Variants in IQSEC3 observed in about 807,000 individuals in gnomAD.
IQSEC3 encodes IQ motif and Sec7 domain ArfGEF 3.
A neutral mutation model predicts 105.4 loss-of-function variants in IQSEC3; 50 were observed. The observed-to-expected ratio is 0.47, with a 90% CI of 0.38 to 0.60. IQSEC3 has a LOEUF of 0.60. Ranked by LOEUF, IQSEC3 falls within the 20% of genes least tolerant of loss-of-function variation. The probability of loss-of-function intolerance (pLI) is 0.00; values close to 1 mark genes in which losing one functional copy is unlikely to be tolerated. For synonymous variants in IQSEC3, 708 were observed against 746.0 expected, an observed-to-expected ratio of 0.95 and a Z score of 0.83; for missense variants, 1,415 against 1,630.0, an observed-to-expected ratio of 0.87 and a Z score of 2.27.
chr12:123,738 T>C (rs1219799400), intron 2 of IQSEC3, among the ~76,000 whole-genome samples: 3 of 152,088 alleles, frequency 2.0e-5, no homozygotes, highest in African/African-American at 7.2e-5. Context: ...AAGAGGTCCC[T>C]CCTCTGGTGT....
intron 1 of IQSEC3, among the ~76,000 whole-genome samples, chr12:95,071 T>C (rs1864203368): frequency 6.6e-6 from 1 of 152,158 alleles, no homozygotes; most frequent in Admixed American, 6.5e-5. Context: ...TCCCCTTTTC[T>C]TCAGGCCAGG....
chr12:104,179 T>C (rs1460409874), intron 2 of IQSEC3, among the ~76,000 whole-genome samples: 7 of 152,172 alleles, frequency 4.6e-5, no homozygotes, highest in African/African-American at 7.2e-5. Flanking sequence ...TATTCCCATT[T>C]ACAGATAAGG....
At chr12:151,260 C>T (rs1481698885) in intron 5 of IQSEC3, among the ~76,000 whole-genome samples, 3 of 146,488 alleles carry the variant, frequency 2.0e-5, no homozygotes, top group East Asian at 2.0e-4. Context: ...ATGGAGACTC[C>T]GTCTCTCCTC....
At chr12:83,824 T>C (rs16931821) in intron 1 of IQSEC3, among the ~76,000 whole-genome samples, 83,837 of 151,998 alleles carry the variant, frequency 0.55, 23,984 homozygotes, top group Middle Eastern at 0.61. Context: ...CGTGCACCCT[T>C]GTTTGGTGTC....
intron 2 of IQSEC3, among the ~76,000 whole-genome samples, chr12:115,541 C>T (rs955623138): frequency 1.5e-4 from 23 of 152,128 alleles, no homozygotes; most frequent in Admixed American, 1.4e-3. Flanking sequence ...GCTCATGAAC[C>T]GGAAGCTGGG....
intron 6 of IQSEC3, 48 bp downstream of exon 6, chr12:157,195 A>C: frequency 6.8e-7 from 1 of 1,480,140 alleles, no homozygotes; most frequent in Non-Finnish European, 9.0e-7. Context: ...CAGCGTGGGG[A>C]AGCCGGGCCG....
Position 66,832 on chromosome 12 carries a change from C to T in IQSEC3, c.-51C>T. 7.5e-7 allele frequency: 1 copy of T among 1,334,060 alleles called. No individual in the cohort carries two copies. The highest frequency in any genetic ancestry group is 9.5e-7 in the Non-Finnish European group (1 of 1,048,718). 82.6% of individuals were successfully genotyped at this position (1,334,060 alleles called of 1,614,324 possible). A position where few individuals can be genotyped will look rare whatever the true frequency, so the allele number is the denominator to read the frequency against. On this transcript the variant is annotated 5_prime_UTR_variant, in exon 1 of 14. Coordinates refer to ENST00000538872, the MANE Select transcript of IQSEC3 (RefSeq NM_001170738.2). ...GCTGCTGGGCTCCCGCGCCCTCGCG[C>T]TCCCCGCCGCCAGCCCAGGCGCAGG...
At chr12:171,257 A>G in intron 13 of IQSEC3, 96 bp downstream of exon 13, 1 of 1,613,902 alleles carries the variant, frequency 6.2e-7, no homozygotes, top group Non-Finnish European at 8.5e-7. Flanking sequence ...GTATTAATCA[A>G]TGCCTCCCCA....
chr12:141,105 T>TGC lies in IQSEC3; in HGVS notation c.1992-19_1992-18insGC. 7 of 1,577,982 alleles carry TGC rather than the reference T, an allele frequency of 4.4e-6. No homozygotes were observed. The highest frequency in any genetic ancestry group is 5.2e-6 in the Non-Finnish European group (6 of 1,151,350). On this transcript the variant is annotated intron_variant, in intron 4 of 13. Coordinates refer to ENST00000538872, the MANE Select transcript of IQSEC3 (RefSeq NM_001170738.2). ...GCTTCAGCTCACTCTCTACTGCTTCTCCCCACCCCCACCTCCAGAAACCCC... is the reference window on the plus strand; with the variant it reads ...GCTTCAGCTCACTCTCTACTGCTTCTGCCCCCACCCCCACCTCCAGAAACCCC...
chr12:158,578 T>C (rs1591740109), intron 7 of IQSEC3, among the ~76,000 whole-genome samples: 2 of 152,246 alleles, frequency 1.3e-5, no homozygotes. Flanking sequence ...TTCTGCCTTT[T>C]ATCACCATTT....
intron 5 of IQSEC3, among the ~76,000 whole-genome samples, chr12:150,603 C>A (rs1225374034): frequency 6.6e-6 from 1 of 152,202 alleles, no homozygotes; most frequent in African/African-American, 2.4e-5. Flanking sequence ...GAGCAATTAA[C>A]CATGTCGATG....
At position 174,893 on chromosome 12, in the gene IQSEC3, C is replaced by T. The variant is rs1394605792; in HGVS notation, c.3409C>T (p.Pro1137Ser). The T allele has an allele frequency of 6.4e-7, 1 of 1,562,770 alleles. No individual in the cohort carries two copies. The highest frequency in any genetic ancestry group is 2.4e-5 in the East Asian group (1 of 42,546). Reference protein sequence around the residue: ...DSCGSTPLGGPGSPVKVTHQP... With the variant: ...DSCGSTPLGGSGSPVKVTHQP... ...CTGCGGCTCCACACCCCTGGGCGGTCCCGGCTCTCCGGTCAAGGTCACCCA... is the reference window on the plus strand; with the variant it reads ...CTGCGGCTCCACACCCCTGGGCGGTTCCGGCTCTCCGGTCAAGGTCACCCA... The change falls in exon 14 of 14, where the codon CCC becomes TCC. Residue 1137 changes from proline to serine, a missense_variant. By Grantham distance (74) the Pro-to-Ser change is moderately conservative (BLOSUM62 -1). Transcript: ENST00000538872.
At chr12:99,764 G>A (rs1363787390) in intron 2 of IQSEC3, among the ~76,000 whole-genome samples, 1 of 152,190 alleles carries the variant, frequency 6.6e-6, no homozygotes, top group Non-Finnish European at 1.5e-5. Context: ...ACAGTCCTGA[G>A]CTTTCTCCTC....
In IQSEC3 at chr12:176,557, G is replaced by A. The variant is rs191336346; in HGVS notation, c.*1524G>A. 20 of 152,222 alleles carry A rather than the reference G, an allele frequency of 1.3e-4. No individual in the cohort carries two copies. Among genetic ancestry groups the A allele is most frequent in the East Asian group, 3.8e-4 (2 of 5,198 alleles). The allele number at this position is 152,222 out of a possible 1,614,324, so 9.4% of individuals were successfully genotyped here. A position where few individuals can be genotyped will look rare whatever the true frequency, so the allele number is the denominator to read the frequency against. On this transcript the variant is annotated 3_prime_UTR_variant, in exon 14 of 14. Coordinates refer to ENST00000538872, the MANE Select transcript of IQSEC3 (RefSeq NM_001170738.2). The surrounding 1 kb of genome is among the most constrained non-coding windows in gnomAD (Gnocchi z 4.0). ...CCACCCCGCCCCGCCTGCAGTAGCC[G>A]GGCCAGGTAGGAGGCAAGGATCATT... is the stretch of plus-strand genomic sequence containing the variant.
In IQSEC3 at chr12:171,142, C is replaced by T. The variant is rs139593864; in HGVS notation, c.3095C>T (p.Pro1032Leu). The T allele has an allele frequency of 4.9e-5, 79 of 1,613,636 alleles. No individual in the cohort carries two copies. Among genetic ancestry groups the T allele is most frequent in the African/African-American group, 3.3e-4 (25 of 74,886 alleles). Residue 1032 changes from proline (P) to leucine (L), a missense_variant, in exon 13 of 14, where the codon CCG (proline) becomes CTG (leucine). This residue lies in a region of IQSEC3 where 419 missense variants were observed against 436.2 expected (regional missense o/e 0.96). Transcript: ENST00000538872. ...AGGGAAGCCGCGCTCAGGGAGAGGC[C>T]GGCGGAGAGCACGGTGGAGGTAAGT... ...AKREAALRER[P>L]AESTVEVSIH...
intron 5 of IQSEC3, among the ~76,000 whole-genome samples, chr12:150,056 TAAC>T (rs1555092206): frequency 6.6e-6 from 1 of 152,140 alleles, no homozygotes; most frequent in Non-Finnish European, 1.5e-5. Flanking sequence ...CTACTGCTGT[TAAC>T]AGCCATGATG....
chr12:90,091 GAC>G (rs1864035061), intron 1 of IQSEC3, among the ~76,000 whole-genome samples: 2 of 152,252 alleles, frequency 1.3e-5, no homozygotes, highest in Non-Finnish European at 1.5e-5. Context: ...GGTTTTGTCA[GAC>G]ACAGATTTTA....
intron 2 of IQSEC3, among the ~76,000 whole-genome samples, chr12:119,530 A>G (rs976896933): frequency 6.6e-6 from 1 of 152,208 alleles, no homozygotes; most frequent in Non-Finnish European, 1.5e-5. Context: ...GAAAGAAAGG[A>G]GAAAGAAAGG....
At chr12:94,571 C>T (rs1555074311) in intron 1 of IQSEC3, among the ~76,000 whole-genome samples, 1 of 152,252 alleles carries the variant, frequency 6.6e-6, no homozygotes, top group Admixed American at 6.5e-5. Context: ...GCTGAACTGT[C>T]CCCCAGTGGC....
Sources: allele counts gnomAD v4.1 joint callset (sites outside exome capture counted in the v4.1 genomes callset), GRCh38; gene constraint gnomAD v4.1.1; regional missense constraint gnomAD v4.1.1; non-coding constraint Gnocchi (gnomAD v3.1); transcripts MANE v1.5; gene names NCBI Gene and HGNC (gene_info 2026-07-23, HGNC 2026-07-21).